The following NRXN3 variants were observed in gnomAD, a reference collection of about 807,000 sequenced individuals.
NRXN3 encodes the protein neurexin III.
A neutral mutation model predicts 137.6 loss-of-function variants in NRXN3; 32 were observed. The observed-to-expected ratio is 0.23, with a 90% CI of 0.18 to 0.31. The LOEUF (loss-of-function observed/expected upper bound fraction) is 0.31. Among genes scored for constraint, NRXN3 ranks in the 10% least tolerant of loss-of-function variants. The pLI, the probability that NRXN3 is intolerant of heterozygous loss-of-function variation, is 1.00. For missense variants in NRXN3, 1,574 were observed against 2,062.5 expected (o/e 0.76, Z 4.59); for synonymous variants, 798 against 784.5 (o/e 1.02, Z -0.29).
At chr14:79,487,385 C>A (rs1567260386) in intron 16 of NRXN3, among the ~76,000 whole-genome samples, 2 of 152,026 alleles carry the variant, frequency 1.3e-5, no homozygotes, top group Admixed American at 6.5e-5. Context: ...ATTTTCCTAC[C>A]CGCTTTACAA....
intron 15 of NRXN3, among the ~76,000 whole-genome samples, chr14:79,348,199 T>C (rs1303055659): frequency 6.6e-6 from 1 of 152,168 alleles, no homozygotes; most frequent in Non-Finnish European, 1.5e-5. Context: ...TTTAATTATT[T>C]AGTTGACGCT....
chr14:78,213,780 C>T (rs2062983061), intron 1 of NRXN3, among the ~76,000 whole-genome samples: 1 of 151,990 alleles, frequency 6.6e-6, no homozygotes, highest in South Asian at 2.1e-4. Context: ...AGGGCCAGGC[C>T]ACCCAGAGAG....
chr14:78,925,552 C>G (rs1174088856), intron 10 of NRXN3, among the ~76,000 whole-genome samples: 1 of 152,116 alleles, frequency 6.6e-6, no homozygotes, highest in Non-Finnish European at 1.5e-5. Context: ...GTGTTTTTGC[C>G]AAACCCTCCC....
chr14:79,592,053 A>G (rs575458486), intron 16 of NRXN3, among the ~76,000 whole-genome samples: 3 of 152,292 alleles, frequency 2.0e-5, no homozygotes, highest in African/African-American at 7.2e-5. Flanking sequence ...TCACCTTTTC[A>G]GTACCCTGTA....
At chr14:79,470,949 AGAG>A (rs2096496692) in intron 16 of NRXN3, among the ~76,000 whole-genome samples, 1 of 57,318 alleles carries the variant, frequency 1.7e-5, no homozygotes, top group Admixed American at 2.2e-4. Flanking sequence ...AAAGAGAGAG[AGAG>A]TGTGTGTGTG....
chr14:78,546,398 C>CA (rs1421727146), intron 4 of NRXN3, among the ~76,000 whole-genome samples: 1 of 152,174 alleles, frequency 6.6e-6, no homozygotes, highest in African/African-American at 2.4e-5. Context: ...CTTGTTTCTA[C>CA]AATGGAGATA....
chr14:78,792,433 A>T (rs2098808641), intron 8 of NRXN3, among the ~76,000 whole-genome samples: 1 of 152,100 alleles, frequency 6.6e-6, no homozygotes, highest in South Asian at 2.1e-4. Context: ...CCAGAGATTA[A>T]ATTAATCACA....
chr14:78,952,786 C>T (rs1460011866), intron 10 of NRXN3, among the ~76,000 whole-genome samples: 1 of 152,102 alleles, frequency 6.6e-6, no homozygotes, highest in Non-Finnish European at 1.5e-5. Context: ...GTTTCATTTA[C>T]CTCTTTGAAT....
At chr14:78,726,181 T>C (rs920908454) in intron 8 of NRXN3, among the ~76,000 whole-genome samples, 6 of 152,204 alleles carry the variant, frequency 3.9e-5, no homozygotes, top group South Asian at 2.1e-4. Flanking sequence ...ACACTCTTTT[T>C]ATTTTATTTT....
At chr14:78,960,908 C>T (rs768068163) in intron 11 of NRXN3, among the ~76,000 whole-genome samples, 7 of 151,888 alleles carry the variant, frequency 4.6e-5, no homozygotes, top group East Asian at 1.9e-4. Context: ...GAGGAGTGTG[C>T]GGTCAAACAA....
At chr14:78,902,454 A>G (rs1327133821) in intron 10 of NRXN3, among the ~76,000 whole-genome samples, 1 of 152,064 alleles carries the variant, frequency 6.6e-6, no homozygotes, top group African/African-American at 2.4e-5. Flanking sequence ...AGGTATTTTC[A>G]AATGTCATTT....
intron 8 of NRXN3, among the ~76,000 whole-genome samples, chr14:78,756,453 A>G (rs1247522675): frequency 6.6e-6 from 1 of 150,932 alleles, no homozygotes; most frequent in South Asian, 2.1e-4. Flanking sequence ...GTGCCACTGT[A>G]CTTGGCTCTG....
chr14:78,305,668 T>C (rs1172061047), intron 4 of NRXN3, among the ~76,000 whole-genome samples: 2 of 152,182 alleles, frequency 1.3e-5, no homozygotes, highest in South Asian at 2.1e-4. Context: ...TAGCCAACTG[T>C]GTATGCAAAT....
intron 4 of NRXN3, among the ~76,000 whole-genome samples, chr14:78,486,183 G>A (rs901204059): frequency 2.6e-5 from 4 of 152,198 alleles, no homozygotes; most frequent in Admixed American, 2.6e-4. Context: ...TAATAAGGAA[G>A]GCTAAAGTGT....
chr14:78,973,043 C>G (rs894262503), intron 14 of NRXN3: 1 of 152,090 alleles, frequency 6.6e-6, no homozygotes, highest in South Asian at 2.1e-4. Flanking sequence ...GTGGCTGAAC[C>G]CTGTGTTCTT....
intron 4 of NRXN3, among the ~76,000 whole-genome samples, chr14:78,366,410 T>C (rs1038800057): frequency 6.6e-6 from 1 of 152,208 alleles, no homozygotes; most frequent in Non-Finnish European, 1.5e-5. Context: ...TAATAAAAAA[T>C]TTGTGTTTAA....
intron 20 of NRXN3, among the ~76,000 whole-genome samples, chr14:79,855,830 A>G (rs886607386): frequency 6.6e-6 from 1 of 152,164 alleles, no homozygotes; most frequent in Non-Finnish European, 1.5e-5. Context: ...TTATTTTAAT[A>G]TTTGCATTGA....
At chr14:79,288,818 A>G (rs1333858864) in intron 15 of NRXN3, among the ~76,000 whole-genome samples, 1 of 152,216 alleles carries the variant, frequency 6.6e-6, no homozygotes, top group Non-Finnish European at 1.5e-5. Context: ...AATGTTTTCC[A>G]ATCTGCCTGA....
chr14:78,268,090 A>T (rs2072091450), intron 2 of NRXN3, among the ~76,000 whole-genome samples: 1 of 152,196 alleles, frequency 6.6e-6, no homozygotes, highest in South Asian at 2.1e-4. Flanking sequence ...GTGAGATGTT[A>T]CTAGATGTTT....
Sources: gnomAD v4.1 joint callset for allele counts (sites outside exome capture counted in the v4.1 genomes callset) on GRCh38, gnomAD v4.1.1 for gene constraint, MANE v1.5 for transcripts, NCBI Gene and HGNC (gene_info 2026-07-23, HGNC 2026-07-21) for gene names.